The following MPDZ variants were observed in gnomAD, a reference collection of about 807,000 sequenced individuals.
MPDZ encodes the protein multiple PDZ domain crumbs cell polarity complex component.
MPDZ carries 234 observed loss-of-function variants against 239.1 expected under a neutral mutation model. That is an observed-to-expected ratio of 0.98 (90% CI 0.88 to 1.09). MPDZ has a LOEUF of 1.09. Among genes scored for constraint, MPDZ ranks in the 50% least tolerant of loss-of-function variants. The pLI, the probability that MPDZ is intolerant of heterozygous loss-of-function variation, is 0.00. For missense variants in MPDZ, 3,175 were observed against 2,510.0 expected (o/e 1.26, Z -5.66); for synonymous variants, 1,048 against 881.3 (o/e 1.19, Z -3.35).
chr9:13,234,797 G>A (rs1470996055), intron 3 of MPDZ, among the ~76,000 whole-genome samples: 1 of 132,666 alleles, frequency 7.5e-6, no homozygotes, highest in Admixed American at 8.4e-5. Flanking sequence ...TGTAACAGAC[G>A]CACCTCTTAG....
chr9:13,170,415 G>A (rs562659295), intron 21 of MPDZ, among the ~76,000 whole-genome samples: 3 of 152,120 alleles, frequency 2.0e-5, no homozygotes, highest in South Asian at 4.1e-4. Flanking sequence ...TCATACTAAC[G>A]ATTTTGAAGT....
chr9:13,186,530 T>C (rs1289203578), intron 17 of MPDZ, 144 bp from the exon 18 acceptor site: 5 of 587,790 alleles, frequency 8.5e-6, no homozygotes, highest in South Asian at 4.5e-5. Flanking sequence ...GACTTCAACA[T>C]AGAATGGTAA....
intron 3 of MPDZ, among the ~76,000 whole-genome samples, chr9:13,236,573 G>A (rs1285935115): frequency 6.6e-6 from 1 of 151,348 alleles, no homozygotes; most frequent in Non-Finnish European, 1.5e-5. Context: ...GAGCCACTGT[G>A]CCCAGCCCTC....
intron 12 of MPDZ, among the ~76,000 whole-genome samples, chr9:13,198,970 T>C (rs1409051122): frequency 6.6e-6 from 1 of 152,024 alleles, no homozygotes; most frequent in Non-Finnish European, 1.5e-5. Context: ...ATTGAATATA[T>C]AGATATCTTT....
chr9:13,170,396 T>C (rs1221752069), intron 21 of MPDZ, among the ~76,000 whole-genome samples: 1 of 152,186 alleles, frequency 6.6e-6, no homozygotes, highest in African/African-American at 2.4e-5. Context: ...TAAAATATTC[T>C]GTTAAGACTC....
At chr9:13,130,101 A>G (rs954247440) in intron 32 of MPDZ, among the ~76,000 whole-genome samples, 1 of 152,206 alleles carries the variant, frequency 6.6e-6, no homozygotes, top group Non-Finnish European at 1.5e-5. Flanking sequence ...GCTTTGATGT[A>G]TGGGTCCTTT....
At chr9:13,215,863 A>C (rs539931588) in intron 10 of MPDZ, among the ~76,000 whole-genome samples, 1 of 146,112 alleles carries the variant, frequency 6.8e-6, no homozygotes, top group East Asian at 2.1e-4. Context: ...GAACTCCCAG[A>C]CTCAAGGAAT....
At chr9:13,231,497 G>A (rs1408216815) in intron 3 of MPDZ, among the ~76,000 whole-genome samples, 2 of 152,040 alleles carry the variant, frequency 1.3e-5, no homozygotes, top group African/African-American at 4.8e-5. Flanking sequence ...AACCTGGGAG[G>A]TGGAGGTTGC....
chr9:13,161,481 G>A (rs1056820058), intron 23 of MPDZ, among the ~76,000 whole-genome samples: 3 of 152,052 alleles, frequency 2.0e-5, no homozygotes, highest in Non-Finnish European at 2.9e-5. Context: ...CGAGGCAGAA[G>A]AATCACTTGA....
At chr9:13,258,868 G>A (rs1970023558) in intron 1 of MPDZ, among the ~76,000 whole-genome samples, 1 of 152,050 alleles carries the variant, frequency 6.6e-6, no homozygotes, top group African/African-American at 2.4e-5. Context: ...AAGTATTAAA[G>A]AACATTAACT....
intron 32 of MPDZ, among the ~76,000 whole-genome samples, chr9:13,128,072 C>T (rs1267553429): frequency 6.6e-6 from 1 of 152,064 alleles, no homozygotes; most frequent in Non-Finnish European, 1.5e-5. Flanking sequence ...CCTTCCCACC[C>T]ACTCCTCTCT....
At chr9:13,275,236 A>G (rs930795750) in intron 1 of MPDZ, among the ~76,000 whole-genome samples, 4 of 152,304 alleles carry the variant, frequency 2.6e-5, no homozygotes, top group African/African-American at 9.6e-5. Context: ...GTACCTCACA[A>G]TATAACTGTA....
chr9:13,122,371 T>C (rs1358269059), intron 36 of MPDZ, among the ~76,000 whole-genome samples: 1 of 152,194 alleles, frequency 6.6e-6, no homozygotes, highest in Non-Finnish European at 1.5e-5. Flanking sequence ...TATACTTTTT[T>C]CCTAATGATA....
At chr9:13,176,030 T>TA (rs1952437689) in intron 20 of MPDZ, 106 bp downstream of exon 20, 3 of 1,430,802 alleles carry the variant, frequency 2.1e-6, no homozygotes, top group Non-Finnish European at 2.8e-6. Flanking sequence ...CTGAAAATCT[T>TA]AGTGTCAAGA....
chr9:13,137,079 A>G (rs1200665138), intron 29 of MPDZ, among the ~76,000 whole-genome samples: 1 of 152,146 alleles, frequency 6.6e-6, no homozygotes, highest in Non-Finnish European at 1.5e-5. Context: ...AGGAGAGTAG[A>G]CAACAAATTT....
intron 1 of MPDZ, among the ~76,000 whole-genome samples, chr9:13,269,918 T>A (rs1588237730): frequency 6.6e-6 from 1 of 152,214 alleles, no homozygotes; most frequent in Non-Finnish European, 1.5e-5. Context: ...CTTAGCCATA[T>A]AAGATAAATA....
chr9:13,150,983 A>G (rs1035105580), intron 24 of MPDZ, among the ~76,000 whole-genome samples: 2 of 152,080 alleles, frequency 1.3e-5, no homozygotes, highest in African/African-American at 2.4e-5. Context: ...CAACAAAAAA[A>G]CAAGTGGTAT....
At chr9:13,223,836 A>C (rs1343104999) in intron 4 of MPDZ, 126 bp from the exon 5 acceptor site, 1 of 942,720 alleles carries the variant, frequency 1.1e-6, no homozygotes, top group Non-Finnish European at 1.5e-6. Context: ...GTTAGGGACC[A>C]GACTGGGCTA....
chr9:13,129,393 G>T (rs1164158672), intron 32 of MPDZ, among the ~76,000 whole-genome samples: 1 of 151,974 alleles, frequency 6.6e-6, no homozygotes, highest in Non-Finnish European at 1.5e-5. Context: ...AACCCGGGAG[G>T]TGGAGGATGC....
Sources: allele counts gnomAD v4.1 joint callset (sites outside exome capture counted in the v4.1 genomes callset), GRCh38; gene constraint gnomAD v4.1.1; transcripts MANE v1.5; gene names NCBI Gene and HGNC (gene_info 2026-07-23, HGNC 2026-07-21).